DLGAP1: variants seen among roughly 807,000 people sequenced by gnomAD.
DLGAP1 encodes DLG associated protein 1.
In DLGAP1, 11 loss-of-function variants were observed where a neutral mutation model predicts 90.8. That is an observed-to-expected ratio of 0.12 (90% CI 0.08 to 0.20). The LOEUF (loss-of-function observed/expected upper bound fraction) is 0.20, where lower values mean the gene tolerates loss of function less well. Ranked by LOEUF, DLGAP1 falls within the 10% of genes least tolerant of loss-of-function variation. DLGAP1 has a pLI of 1.00. For missense variants in DLGAP1, 1,050 were observed against 1,333.8 expected, an observed-to-expected ratio of 0.79 and a Z score of 3.31; for synonymous variants, 558 against 540.7, an observed-to-expected ratio of 1.03 and a Z score of -0.44.
At position 4,354,887 on chromosome 18, in the gene DLGAP1, C is replaced by CAAAAAAAA. The variant is rs60379984; in HGVS notation, c.-267+100111_-267+100118dup. 7.4e-3 allele frequency among the ~76,000 whole-genome samples: 176 copies of CAAAAAAAA among 23,872 alleles called. 51 individuals are homozygous for CAAAAAAAA. Among genetic ancestry groups the CAAAAAAAA allele is most frequent in the East Asian group, 0.026 (13 of 506 alleles). 15.7% of individuals were successfully genotyped at this position (23,872 alleles called of 152,430 possible). A position where few individuals can be genotyped will look rare whatever the true frequency, so the allele number is the denominator to read the frequency against. On this transcript the variant is annotated intron_variant, in intron 1 of 12. Transcript: ENST00000315677. The stretch of plus-strand genomic sequence containing the variant: ...TGGCTTTTTCTGCAATTACTCTCAC[C>CAAAAAAAA]AAAAAAAAAAAAAAAAAAAAAAAAA...
Position 4,183,169 on chromosome 18 carries a change from A to G in DLGAP1, c.-266-31882T>C, listed in dbSNP as rs180696242. ...ATTCTTGGCATTTTGAATATGCAAG[A>G]AAATTAAATATACAAGTCATACTGA... On this transcript the variant is annotated intron_variant, in intron 1 of 12. Coordinates refer to ENST00000315677, the MANE Select transcript of DLGAP1 (RefSeq NM_004746.4). Among the ~76,000 whole-genome samples the G allele has an allele frequency of 2.9e-3, 448 of 152,304 alleles. 1 individual carries two copies. Among genetic ancestry groups the G allele is most frequent in the Non-Finnish European group, 4.9e-3 (336 of 68,012 alleles).
intron 7 of DLGAP1, chr18:3,722,038 G>A (rs1133851): frequency 0.19 from 29,252 of 152,084 alleles, 3,434 homozygotes; most frequent in South Asian, 0.27. Context: ...GCCAAAGTAG[G>A]GCATTCTAAT....
chr18:4,382,195 G>C (rs894870836), intron 1 of DLGAP1, among the ~76,000 whole-genome samples: 5 of 152,086 alleles, frequency 3.3e-5, no homozygotes, highest in African/African-American at 1.2e-4. Flanking sequence ...CAGTACAGCG[G>C]AATGGCTAAG....
intron 1 of DLGAP1, among the ~76,000 whole-genome samples, chr18:4,386,978 A>G (rs917229091): frequency 2.6e-5 from 4 of 152,216 alleles, no homozygotes; most frequent in South Asian, 2.1e-4. Context: ...ATATTCTGAG[A>G]TAAGTAAGAG....
intron 2 of DLGAP1, among the ~76,000 whole-genome samples, chr18:4,086,577 GTTAT>G (rs1055324454): frequency 6.6e-6 from 1 of 151,768 alleles, no homozygotes; most frequent in African/African-American, 2.4e-5. Context: ...TCAGCACTGT[GTTAT>G]TTAATTTTAA....
intron 3 of DLGAP1, among the ~76,000 whole-genome samples, chr18:3,968,976 A>G (rs919091820): frequency 2.6e-5 from 4 of 152,194 alleles, no homozygotes; most frequent in Non-Finnish European, 5.9e-5. Context: ...CTTTTAAAAG[A>G]CATTTTGCAG....
intron 1 of DLGAP1, among the ~76,000 whole-genome samples, chr18:4,333,801 T>C (rs1296971470): frequency 1.3e-5 from 2 of 151,024 alleles, no homozygotes; most frequent in East Asian, 2.0e-4. Context: ...AGGGTTTCAC[T>C]GTGTTATCCA....
rs2143167985 is a variant in DLGAP1, at chr18:4,297,024, A to G, written c.-266-145737T>C. ...GTACTTCACCTAAATTAAGAGTGGAACAGGTCTGTAAAGAGGACCTATGAC... is the reference window on the plus strand; with the variant it reads ...GTACTTCACCTAAATTAAGAGTGGAGCAGGTCTGTAAAGAGGACCTATGAC... On this transcript the variant is annotated intron_variant, in intron 1 of 12. Transcript: ENST00000315677. Among the ~76,000 whole-genome samples, 4 of 152,346 alleles carry G rather than the reference A, an allele frequency of 2.6e-5. No homozygotes were observed. The Middle Eastern group carries it at 0.014, about 518-fold the overall frequency.
At chr18:4,226,473 A>C (rs906299072) in intron 1 of DLGAP1, among the ~76,000 whole-genome samples, 2 of 152,100 alleles carry the variant, frequency 1.3e-5, no homozygotes, top group African/African-American at 4.8e-5. Context: ...ATTAAAAATA[A>C]TAACTACAAA....
In DLGAP1 at chr18:4,450,063, T is replaced by C. The variant is rs140369097; in HGVS notation, c.-267+4943A>G. On this transcript the variant is annotated intron_variant, in intron 1 of 12. Transcript: ENST00000315677. The stretch of plus-strand genomic sequence containing the variant: ...TTCTGGGTTAATGTCTACACGAAAA[T>C]AGCTTTGAAGAGAGTGAATGTGCCT... 4.1e-4 allele frequency among the ~76,000 whole-genome samples: 62 copies of C among 152,272 alleles called. No homozygotes were observed. In the East Asian group the frequency reaches 0.011, roughly 28 times the overall value.
intron 1 of DLGAP1, among the ~76,000 whole-genome samples, chr18:4,227,385 G>A (rs1011432592): frequency 6.6e-6 from 1 of 151,742 alleles, no homozygotes; most frequent in African/African-American, 2.4e-5. Flanking sequence ...TTCATCCAAC[G>A]GCTGCAGAAT....
At chr18:4,338,648 T>C (rs764725326) in intron 1 of DLGAP1, among the ~76,000 whole-genome samples, 4 of 152,222 alleles carry the variant, frequency 2.6e-5, no homozygotes, top group Non-Finnish European at 4.4e-5. Flanking sequence ...GTGTACATTC[T>C]TTGTATGGCA....
chr18:4,275,285 G>C (rs1301776417), intron 1 of DLGAP1: 2 of 152,152 alleles, frequency 1.3e-5, no homozygotes, highest in Non-Finnish European at 2.9e-5. Context: ...TTTTCACTGA[G>C]TGCTCTCTCT....
chr18:3,933,682 C>T (rs910306863), intron 3 of DLGAP1, among the ~76,000 whole-genome samples: 2 of 152,194 alleles, frequency 1.3e-5, no homozygotes, highest in African/African-American at 2.4e-5. Flanking sequence ...CCCTTGCATC[C>T]AGTCCCACCT....
intron 3 of DLGAP1, among the ~76,000 whole-genome samples, chr18:3,975,454 T>C (rs8086639): frequency 0.47 from 71,336 of 151,718 alleles, 17,104 homozygotes; most frequent in African/African-American, 0.55. Context: ...AGAAAGTGAG[T>C]GTTGGCAAAG....
chr18:4,020,747 G>A (rs1282364677), intron 2 of DLGAP1, among the ~76,000 whole-genome samples: 1 of 152,124 alleles, frequency 6.6e-6, no homozygotes. Context: ...CTTAACGGGG[G>A]ACCAGTCGGC....
At chr18:4,034,473 G>A (rs984175210) in intron 2 of DLGAP1, among the ~76,000 whole-genome samples, 2 of 152,156 alleles carry the variant, frequency 1.3e-5, no homozygotes, top group African/African-American at 2.4e-5. Flanking sequence ...AACTAGTCCT[G>A]TTGCCTTATT....
intron 7 of DLGAP1, among the ~76,000 whole-genome samples, chr18:3,646,017 A>C (rs919609692): frequency 4.6e-5 from 7 of 152,224 alleles, no homozygotes; most frequent in African/African-American, 1.7e-4. Flanking sequence ...GTATGCCCTA[A>C]ATCATTTGAC....
At chr18:3,582,879 C>T (rs1238209250) in intron 7 of DLGAP1, among the ~76,000 whole-genome samples, 3 of 121,224 alleles carry the variant, frequency 2.5e-5, no homozygotes, top group African/African-American at 9.3e-5. Flanking sequence ...TTCCTTCTTT[C>T]CTTTCTTCCT....
Sources: gnomAD v4.1 joint callset for allele counts (sites outside exome capture counted in the v4.1 genomes callset) on GRCh38, gnomAD v4.1.1 for gene constraint, MANE v1.5 for transcripts, NCBI Gene and HGNC (gene_info 2026-07-23, HGNC 2026-07-21) for gene names.